The following HCRTR2 variants were observed in gnomAD, a reference collection of about 807,000 sequenced individuals.
The protein encoded by HCRTR2 is orexin receptor type 2.
HCRTR2 carries 22 observed loss-of-function variants against 49.0 expected under a neutral mutation model. That is an observed-to-expected ratio of 0.45 (90% CI 0.32 to 0.64). The LOEUF is 0.64. Ranked by LOEUF, HCRTR2 falls within the 30% of genes least tolerant of loss-of-function variation. The pLI is 0.04. For missense variants in HCRTR2, 491 were observed against 559.4 expected, an observed-to-expected ratio of 0.88 and a Z score of 1.23; for synonymous variants, 236 against 205.3, an observed-to-expected ratio of 1.15 and a Z score of -1.28.
chr6:55,111,007 G>A (rs1035522113), intron 1 of HCRTR2, among the ~76,000 whole-genome samples: 2 of 151,968 alleles, frequency 1.3e-5, no homozygotes, highest in South Asian at 2.1e-4. Context: ...TAAGAAAATC[G>A]AAATTATATC....
At chr6:55,126,185 G>A (rs1490283688) in intron 1 of HCRTR2, among the ~76,000 whole-genome samples, 4 of 152,138 alleles carry the variant, frequency 2.6e-5, no homozygotes, top group Admixed American at 6.5e-5. Context: ...ATCTTTTGGA[G>A]GAGAAGAGGT....
intron 1 of HCRTR2, among the ~76,000 whole-genome samples, chr6:55,222,843 C>T (rs1765924702): frequency 6.6e-6 from 1 of 152,066 alleles, no homozygotes; most frequent in African/African-American, 2.4e-5. Flanking sequence ...GATGAAAAAG[C>T]TCTAAAGATC....
chr6:55,254,674 A>G (rs1443716002), intron 2 of HCRTR2, among the ~76,000 whole-genome samples: 1 of 152,084 alleles, frequency 6.6e-6, no homozygotes, highest in Non-Finnish European at 1.5e-5. Flanking sequence ...AATTAAATAT[A>G]ATTTCAATCA....
At chr6:55,170,440 T>C (rs1764932574), upstream of HCRTR2, among the ~76,000 whole-genome samples, 2 of 151,726 alleles carry the variant, frequency 1.3e-5, no homozygotes, top group South Asian at 4.1e-4. Context: ...TATTTATTAT[T>C]TCTCTGTGCT....
chr6:55,170,994 G>T (rs1028106161), upstream of HCRTR2, among the ~76,000 whole-genome samples: 1 of 151,812 alleles, frequency 6.6e-6, no homozygotes, highest in African/African-American at 2.4e-5. Context: ...TTGGACATTT[G>T]GGTTGGTTCC....
At chr6:55,132,068 CA>C (rs1463249841) in intron 1 of HCRTR2, among the ~76,000 whole-genome samples, 1 of 151,748 alleles carries the variant, frequency 6.6e-6, no homozygotes, top group Non-Finnish European at 1.5e-5. Flanking sequence ...CAATTCTAAA[CA>C]TATATAGATA....
At chr6:55,238,250 C>T (rs550155017) in intron 1 of HCRTR2, among the ~76,000 whole-genome samples, 1 of 152,258 alleles carries the variant, frequency 6.6e-6, no homozygotes, top group South Asian at 2.1e-4. Flanking sequence ...TCTTCTTACT[C>T]TCTCATCCTC....
At chr6:55,120,525 A>G (rs546858957) in intron 1 of HCRTR2, among the ~76,000 whole-genome samples, 3 of 151,430 alleles carry the variant, frequency 2.0e-5, no homozygotes, top group Non-Finnish European at 4.4e-5. Flanking sequence ...GCAGTCGTGA[A>G]TGGGAGTTCA....
chr6:55,161,631 TA>T (rs542093459), intron 1 of HCRTR2, among the ~76,000 whole-genome samples: 1 of 151,586 alleles, frequency 6.6e-6, no homozygotes, highest in Non-Finnish European at 1.5e-5. Flanking sequence ...ATAGACACAA[TA>T]AAAAATGATA....
chr6:55,245,642 G>A (rs1766429314), intron 1 of HCRTR2, among the ~76,000 whole-genome samples: 3 of 151,122 alleles, frequency 2.0e-5, no homozygotes, highest in South Asian at 4.2e-4. Context: ...ATGATTGCAG[G>A]TATGGATAGC....
chr6:55,175,644 G>T (rs1221315403), intron 1 of HCRTR2, among the ~76,000 whole-genome samples: 1 of 152,020 alleles, frequency 6.6e-6, no homozygotes, highest in Admixed American at 6.6e-5. Flanking sequence ...TCCCGGTCTA[G>T]GTCTGTATGC....
At chr6:55,179,436 G>A (rs1448945341) in intron 1 of HCRTR2, among the ~76,000 whole-genome samples, 1 of 152,060 alleles carries the variant, frequency 6.6e-6, no homozygotes, top group Non-Finnish European at 1.5e-5. Flanking sequence ...TTAATCTGAT[G>A]CCTCTACATT....
At chr6:55,207,083 T>C (rs1437950152) in intron 1 of HCRTR2, among the ~76,000 whole-genome samples, 1 of 151,876 alleles carries the variant, frequency 6.6e-6, no homozygotes, top group African/African-American at 2.4e-5. Flanking sequence ...AATCTAAGAA[T>C]CTTTGCATCT....
At chr6:55,238,836 G>T (rs1766265079) in intron 1 of HCRTR2, among the ~76,000 whole-genome samples, 1 of 152,190 alleles carries the variant, frequency 6.6e-6, no homozygotes, top group Admixed American at 6.5e-5. Context: ...CGGTGAAAGA[G>T]AAAAGCATTT....
chr6:55,232,649 A>G (rs1016700062), intron 1 of HCRTR2, among the ~76,000 whole-genome samples: 1 of 152,236 alleles, frequency 6.6e-6, no homozygotes, highest in Non-Finnish European at 1.5e-5. Context: ...ATCACTTGTG[A>G]AGAACTTTAT....
intron 4 of HCRTR2, among the ~76,000 whole-genome samples, chr6:55,264,436 C>T (rs1170202590): frequency 1.3e-5 from 2 of 152,050 alleles, no homozygotes; most frequent in Non-Finnish European, 2.9e-5. Flanking sequence ...TCCTGAAATA[C>T]ATATCATGAA....
At chr6:55,282,653 T>A (rs1038612920), downstream of HCRTR2, 23 of 584,536 alleles carry the variant, frequency 3.9e-5, no homozygotes, top group Non-Finnish European at 1.8e-5. Flanking sequence ...ATGTTAGAAG[T>A]TTAACCTTCA....
chr6:55,148,741 T>C (rs1764626820), intron 1 of HCRTR2, among the ~76,000 whole-genome samples: 1 of 152,118 alleles, frequency 6.6e-6, no homozygotes, highest in Non-Finnish European at 1.5e-5. Flanking sequence ...CATCAGATCA[T>C]GGCTGGGATT....
chr6:55,228,235 G>C (rs1766048737), intron 1 of HCRTR2, among the ~76,000 whole-genome samples: 1 of 152,066 alleles, frequency 6.6e-6, no homozygotes, highest in Admixed American at 6.6e-5. Flanking sequence ...AAATTTATGT[G>C]TAAGAGTTGA....
Sources: gnomAD v4.1 joint callset for allele counts (sites outside exome capture counted in the v4.1 genomes callset) on GRCh38, gnomAD v4.1.1 for gene constraint, MANE v1.5 for transcripts, NCBI Gene and HGNC (gene_info 2026-07-23, HGNC 2026-07-21) for gene names.